Variants in GPC6 observed in about 807,000 individuals in gnomAD.
GPC6 encodes glypican-6.
Under a neutral mutation model 55.2 loss-of-function variants are expected in GPC6, and 14 were observed. The observed-to-expected ratio is 0.25, with a 90% CI of 0.17 to 0.40. The LOEUF is 0.40. GPC6 is among the 10% of genes least tolerant of loss of function. The probability of loss-of-function intolerance (pLI) is 1.00; values close to 1 mark genes in which losing one functional copy is unlikely to be tolerated. For synonymous variants in GPC6, 278 were observed against 259.6 expected, an observed-to-expected ratio of 1.07 and a Z score of -0.68; for missense variants, 641 against 708.5, an observed-to-expected ratio of 0.90 and a Z score of 1.08.
intron 1 of GPC6, among the ~76,000 whole-genome samples, chr13:93,443,276 G>C (rs79022385): frequency 6.6e-6 from 1 of 152,128 alleles, no homozygotes; most frequent in Non-Finnish European, 1.5e-5. Flanking sequence ...TGGAGTCACC[G>C]CTAGGGACCA....
intron 4 of GPC6, among the ~76,000 whole-genome samples, chr13:94,211,445 G>A (rs888546291): frequency 2.0e-5 from 3 of 152,106 alleles, no homozygotes; most frequent in Admixed American, 1.3e-4. Context: ...TTGTCTCATA[G>A]CATAGAAAGC....
intron 4 of GPC6, among the ~76,000 whole-genome samples, chr13:94,188,581 A>G (rs946505178): frequency 6.6e-6 from 1 of 152,190 alleles, no homozygotes; most frequent in Non-Finnish European, 1.5e-5. Flanking sequence ...TGCATTCTAT[A>G]AGGTTTTATC....
At chr13:93,316,653 T>A (rs577039094) in intron 1 of GPC6, among the ~76,000 whole-genome samples, 1 of 152,186 alleles carries the variant, frequency 6.6e-6, no homozygotes, top group East Asian at 1.9e-4. Flanking sequence ...AAAAGAACCA[T>A]CTCTTTAGCC....
In GPC6 at chr13:93,250,718, C is replaced by A. The variant is rs572162603; in HGVS notation, c.160+23102C>A. 2.0e-5 allele frequency among the ~76,000 whole-genome samples: 3 copies of A among 152,286 alleles called. No homozygotes were observed. In the East Asian group the frequency reaches 5.8e-4, roughly 29 times the overall value. The stretch of plus-strand genomic sequence containing the variant: ...TTGACCCTAAAGTTGGTCCAGGTAG[C>A]CCACCAGGCAATCTCTTCACAGAAT... On this transcript the variant is annotated intron_variant, in intron 1 of 8. Coordinates refer to ENST00000377047, the MANE Select transcript of GPC6 (RefSeq NM_005708.5).
At chr13:94,177,356 T>C (rs1428900567) in intron 4 of GPC6, among the ~76,000 whole-genome samples, 1 of 152,006 alleles carries the variant, frequency 6.6e-6, no homozygotes, top group East Asian at 1.9e-4. Flanking sequence ...AAGATAAAGA[T>C]ACTGGGAAAA....
At chr13:94,300,183 G>A (rs776821558) in intron 5 of GPC6, among the ~76,000 whole-genome samples, 4 of 152,040 alleles carry the variant, frequency 2.6e-5, no homozygotes, top group Admixed American at 1.3e-4. Context: ...GAGCCGAGAC[G>A]GGATTTACCT....
In GPC6 at chr13:93,502,355, G is replaced by C. The variant is rs114087050; in HGVS notation, c.161-42908G>C. ...GTAATGAATATGCCCCACATACTTT[G>C]TAAATAACAATATTTTAAATATAAA... On this transcript the variant is annotated intron_variant, in intron 1 of 8. Transcript: ENST00000377047. Among the ~76,000 whole-genome samples, 1,138 of 152,130 alleles carry C rather than the reference G, an allele frequency of 7.5e-3. 16 individuals are homozygous for C. Among genetic ancestry groups the C allele is most frequent in the African/African-American group, 0.024 (1,016 of 41,538 alleles).
At chr13:93,302,011 A>T (rs941088062) in intron 1 of GPC6, among the ~76,000 whole-genome samples, 1 of 152,232 alleles carries the variant, frequency 6.6e-6, no homozygotes, top group Admixed American at 6.5e-5. Flanking sequence ...TTATACAATA[A>T]TAAAATATAA....
intron 3 of GPC6, among the ~76,000 whole-genome samples, chr13:93,879,168 T>C (rs571011157): frequency 1.3e-5 from 2 of 152,244 alleles, no homozygotes; most frequent in South Asian, 2.1e-4. Context: ...TTCTCGAGCC[T>C]TGGTTTTCAG....
At chr13:93,835,866 T>G (rs998118545) in intron 3 of GPC6, among the ~76,000 whole-genome samples, 1 of 152,204 alleles carries the variant, frequency 6.6e-6, no homozygotes, top group Non-Finnish European at 1.5e-5. Flanking sequence ...TCTCATTGAT[T>G]TATTACAGAC....
intron 2 of GPC6, among the ~76,000 whole-genome samples, chr13:93,768,103 C>A (rs1003494505): frequency 1.3e-5 from 2 of 152,144 alleles, no homozygotes; most frequent in Non-Finnish European, 2.9e-5. Flanking sequence ...TAATTTAACT[C>A]ATGTGGCGTG....
chr13:93,926,551 TG>T (rs1234528689), intron 3 of GPC6, among the ~76,000 whole-genome samples: 1 of 152,228 alleles, frequency 6.6e-6, no homozygotes, highest in Non-Finnish European at 1.5e-5. Context: ...GCTTTCAATT[TG>T]CATCTTCATT....
At chr13:93,731,536 G>A (rs944322640) in intron 2 of GPC6, among the ~76,000 whole-genome samples, 17 of 152,146 alleles carry the variant, frequency 1.1e-4, no homozygotes, top group Non-Finnish European at 2.4e-4. Flanking sequence ...TGCAAACCAA[G>A]CGTCTATTCT....
intron 1 of GPC6, among the ~76,000 whole-genome samples, chr13:93,510,006 G>A (rs1307437653): frequency 6.6e-6 from 1 of 151,950 alleles, no homozygotes; most frequent in East Asian, 1.9e-4. Flanking sequence ...ATACTTTAAG[G>A]CATATTTTTG....
chr13:93,231,380 CATATAT>C (rs1204996148), intron 1 of GPC6, among the ~76,000 whole-genome samples: 474 of 30,772 alleles, frequency 0.015, 11 homozygotes, highest in African/African-American at 0.058. Flanking sequence ...TATATATATA[CATATAT>C]ATATATATAT....
At position 93,920,512 on chromosome 13, in the gene GPC6, C is replaced by T. The variant is rs986975399; in HGVS notation, c.711+89967C>T. On this transcript the variant is annotated intron_variant, in intron 3 of 8. Transcript: ENST00000377047. ...CAAGTTTAACAGGTTCAAAACTGAA[C>T]TCATTCTATTTCCCCTATACTGCTC... Among the ~76,000 whole-genome samples the T allele has an allele frequency of 6.6e-5, 10 of 152,252 alleles. 4 individuals carry two copies.
chr13:93,768,710 T>C (rs140025104), intron 2 of GPC6, among the ~76,000 whole-genome samples: 180 of 152,292 alleles, frequency 1.2e-3, no homozygotes, highest in African/African-American at 4.2e-3. Context: ...CAGGAATTCA[T>C]ACAGGAATTT....
chr13:94,206,534 C>T (rs1430155739), intron 4 of GPC6, among the ~76,000 whole-genome samples: 1 of 152,132 alleles, frequency 6.6e-6, no homozygotes, highest in Non-Finnish European at 1.5e-5. Flanking sequence ...GAGACTACCT[C>T]TCCCACGGCT....
chr13:93,469,803 T>G (rs55750873), intron 1 of GPC6, among the ~76,000 whole-genome samples: 9 of 152,306 alleles, frequency 5.9e-5, no homozygotes, highest in Non-Finnish European at 7.4e-5. Context: ...TTTTTTGTTG[T>G]TGGTGGTGGT....
Sources: allele counts gnomAD v4.1 joint callset (sites outside exome capture counted in the v4.1 genomes callset), GRCh38; gene constraint gnomAD v4.1.1; transcripts MANE v1.5; gene names NCBI Gene and HGNC (gene_info 2026-07-23, HGNC 2026-07-21).